TCF12: variants seen among roughly 807,000 people sequenced by gnomAD.
TCF12 encodes the protein transcription factor 12.
Under a neutral mutation model 86.0 loss-of-function variants are expected in TCF12, and 45 were observed. That is an observed-to-expected ratio of 0.52 (90% CI 0.41 to 0.67). The LOEUF (loss-of-function observed/expected upper bound fraction) is 0.67. Among genes scored for constraint, TCF12 ranks in the 30% least tolerant of loss-of-function variants. The pLI is 0.00. For missense variants in TCF12, 881 were observed against 859.9 expected (o/e 1.02, Z -0.31); for synonymous variants, 330 against 299.6 (o/e 1.10, Z -1.05).
chr15:57,125,233 G>A (rs566341835), intron 5 of TCF12, among the ~76,000 whole-genome samples: 4 of 152,180 alleles, frequency 2.6e-5, no homozygotes, highest in African/African-American at 4.8e-5. Context: ...AGTATGATTT[G>A]AGGCCTGAAA....
At chr15:57,193,457 A>G (rs2057088656) in intron 7 of TCF12, among the ~76,000 whole-genome samples, 1 of 152,220 alleles carries the variant, frequency 6.6e-6, no homozygotes, top group African/African-American at 2.4e-5. Flanking sequence ...TAGCCTAACC[A>G]GGCCAGTGCC....
intron 16 of TCF12, among the ~76,000 whole-genome samples, chr15:57,260,994 G>T (rs753907546): frequency 2.0e-5 from 3 of 152,074 alleles, no homozygotes; most frequent in Non-Finnish European, 4.4e-5. Flanking sequence ...CTGAAAGTGG[G>T]AAGTAGGATG....
chr15:57,119,218 G>C (rs1484105858), intron 5 of TCF12, among the ~76,000 whole-genome samples: 2 of 152,000 alleles, frequency 1.3e-5, no homozygotes, highest in African/African-American at 4.8e-5. Context: ...TCAGCCTCCT[G>C]AGTAGCTGGG....
intron 5 of TCF12, among the ~76,000 whole-genome samples, chr15:57,139,348 T>C (rs1194239105): frequency 6.6e-6 from 1 of 152,232 alleles, no homozygotes; most frequent in Non-Finnish European, 1.5e-5. Context: ...AAAGACCTAA[T>C]GTTCTATTGT....
chr15:57,079,007 A>G (rs1470089695), intron 4 of TCF12, among the ~76,000 whole-genome samples: 3 of 152,242 alleles, frequency 2.0e-5, no homozygotes, highest in African/African-American at 4.8e-5. Flanking sequence ...AAAATTTTAT[A>G]TTATGTGCAA....
At chr15:57,165,842 T>A (rs2054852705) in intron 5 of TCF12, among the ~76,000 whole-genome samples, 1 of 152,098 alleles carries the variant, frequency 6.6e-6, no homozygotes, top group Non-Finnish European at 1.5e-5. Flanking sequence ...GGCCCAATAC[T>A]GTATTAATTT....
At chr15:57,121,426 G>A (rs1354639346) in intron 5 of TCF12, among the ~76,000 whole-genome samples, 1 of 152,178 alleles carries the variant, frequency 6.6e-6, no homozygotes, top group Admixed American at 6.5e-5. Flanking sequence ...AACCCTCAAT[G>A]CAACAGTGTT....
intron 4 of TCF12, among the ~76,000 whole-genome samples, chr15:57,079,348 C>A (rs1411604048): frequency 6.6e-6 from 1 of 152,102 alleles, no homozygotes; most frequent in Non-Finnish European, 1.5e-5. Flanking sequence ...TACTATTTCT[C>A]ACACTAGAAT....
chr15:57,191,172 A>G (rs1333397551), intron 6 of TCF12, among the ~76,000 whole-genome samples: 2 of 152,214 alleles, frequency 1.3e-5, no homozygotes, highest in African/African-American at 4.8e-5. Context: ...AAGTGAAAAA[A>G]GCAGGAATGG....
Position 56,935,845 on chromosome 15 carries a change from A to G in TCF12, c.148+14747A>G, listed in dbSNP as rs377725446. On this transcript the variant is annotated intron_variant, in intron 3 of 20. Transcript: ENST00000333725. ...GGCTGCACAGTATTCTATCATGTAT[A>G]TATATACAGATTCTATCATGTATAT... Among the ~76,000 whole-genome samples, 20 of 152,296 alleles carry G rather than the reference A, an allele frequency of 1.3e-4. No homozygotes were observed. The East Asian group carries it at 3.1e-3, about 24-fold the overall frequency.
chr15:57,195,827 A>G (rs1299817996), intron 7 of TCF12, among the ~76,000 whole-genome samples: 6 of 152,080 alleles, frequency 3.9e-5, no homozygotes, highest in Non-Finnish European at 8.8e-5. Context: ...ACATAGTGAA[A>G]CACCTCTCTA....
chr15:57,065,915 T>A (rs531173451), intron 4 of TCF12, among the ~76,000 whole-genome samples: 57 of 152,284 alleles, frequency 3.7e-4, no homozygotes, highest in African/African-American at 1.3e-3. Flanking sequence ...TTTCTACCTG[T>A]CTATTGAGAG....
intron 19 of TCF12, among the ~76,000 whole-genome samples, chr15:57,276,618 G>A (rs924176341): frequency 1.1e-4 from 16 of 151,920 alleles, no homozygotes; most frequent in South Asian, 2.1e-4. Context: ...CAGAGCATTC[G>A]GGTAAAAAAA....
intron 8 of TCF12, among the ~76,000 whole-genome samples, chr15:57,221,383 G>GGGGTGTGT (rs1555399492): frequency 7.4e-5 from 11 of 148,744 alleles, no homozygotes; most frequent in South Asian, 2.1e-4. Context: ...ATGTGTGTGG[G>GGGGTGTGT]GTGTGTGTGT....
At chr15:57,032,428 G>T (rs999299499) in intron 3 of TCF12, among the ~76,000 whole-genome samples, 1 of 152,140 alleles carries the variant, frequency 6.6e-6, no homozygotes, top group Non-Finnish European at 1.5e-5. Context: ...TGAGTTTTTT[G>T]TGTCGTTTCG....
At chr15:57,206,205 G>T (rs761910014) in intron 8 of TCF12, among the ~76,000 whole-genome samples, 1 of 152,140 alleles carries the variant, frequency 6.6e-6, no homozygotes, top group Non-Finnish European at 1.5e-5. Flanking sequence ...AGGCACTAAA[G>T]AATACAAGGT....
At chr15:57,005,188 A>C (rs1250645232) in intron 3 of TCF12, among the ~76,000 whole-genome samples, 10 of 152,208 alleles carry the variant, frequency 6.6e-5, no homozygotes, top group African/African-American at 2.4e-4. Context: ...ATAAACAAAA[A>C]TAGATAAAGC....
intron 4 of TCF12, among the ~76,000 whole-genome samples, chr15:57,078,890 A>G (rs2470085): frequency 0.9 from 137,406 of 152,258 alleles, 62,165 homozygotes; most frequent in African/African-American, 0.96. Flanking sequence ...CTCAGTTTAT[A>G]TCACAATTAG....
intron 19 of TCF12, 125 bp downstream of exon 19, chr15:57,273,387 A>G (rs1334551773): frequency 2.0e-6 from 2 of 980,108 alleles, no homozygotes; most frequent in Non-Finnish European, 1.5e-6. Context: ...CTACTGTATC[A>G]TCAGGGTCGT....
Sources: allele counts gnomAD v4.1 joint callset (sites outside exome capture counted in the v4.1 genomes callset), GRCh38; gene constraint gnomAD v4.1.1; transcripts MANE v1.5; gene names NCBI Gene and HGNC (gene_info 2026-07-23, HGNC 2026-07-21).